The following MAPK10 variants were observed in gnomAD, a reference collection of about 807,000 sequenced individuals.
MAPK10 encodes JNK3 alpha protein kinase.
A neutral mutation model predicts 59.3 loss-of-function variants in MAPK10; 25 were observed. The observed-to-expected ratio is 0.42, with a 90% CI of 0.31 to 0.59. MAPK10 has a LOEUF of 0.59. Ranked by LOEUF, MAPK10 falls within the 20% of genes least tolerant of loss-of-function variation. The probability of loss-of-function intolerance (pLI) is 0.15; values close to 1 mark genes in which losing one functional copy is unlikely to be tolerated. For missense variants in MAPK10, 351 were observed against 568.9 expected (o/e 0.62, Z 3.90); for synonymous variants, 190 against 200.5 (o/e 0.95, Z 0.44).
At chr4:86,240,602 T>C (rs1043297973) in intron 2 of MAPK10, among the ~76,000 whole-genome samples, 1 of 151,254 alleles carries the variant, frequency 6.6e-6, no homozygotes, top group African/African-American at 2.5e-5. Flanking sequence ...TGCCCTTTTT[T>C]GTCTTTTTGG....
intron 2 of MAPK10, among the ~76,000 whole-genome samples, chr4:86,252,493 C>T (rs963496156): frequency 1.4e-5 from 2 of 142,844 alleles, no homozygotes; most frequent in African/African-American, 2.8e-5. Context: ...AGGTATGCGG[C>T]GTTATTTCCG....
At chr4:86,022,338 T>C (rs908342338) in intron 13 of MAPK10, among the ~76,000 whole-genome samples, 1 of 152,250 alleles carries the variant, frequency 6.6e-6, no homozygotes, top group African/African-American at 2.4e-5. Context: ...ATTTGCCTGA[T>C]AGCTAATAAT....
chr4:86,552,451 AGGAAGGAAGGAGGGAGGGAGGGAGGGAG>A (rs1246423234), intron 1 of MAPK10, among the ~76,000 whole-genome samples: 11 of 93,812 alleles, frequency 1.2e-4, no homozygotes, highest in South Asian at 5.4e-4. Context: ...GAAGGAAGGA[AGGAAGGAAGGAGGGAGGGAGGGAGGGAG>A]GGAGGGAGGG....
At chr4:86,318,230 C>T (rs1200382393) in intron 2 of MAPK10, among the ~76,000 whole-genome samples, 2 of 152,106 alleles carry the variant, frequency 1.3e-5, no homozygotes, top group African/African-American at 4.8e-5. Context: ...TATATAGCAG[C>T]TAACCTATTC....
intron 4 of MAPK10, among the ~76,000 whole-genome samples, chr4:86,148,938 C>G (rs998915830): frequency 2.6e-5 from 4 of 152,150 alleles, no homozygotes; most frequent in African/African-American, 9.7e-5. Context: ...AGGGTAGAGA[C>G]AGATGATCAA....
intron 1 of MAPK10, among the ~76,000 whole-genome samples, chr4:86,580,053 T>C (rs577028273): frequency 6.6e-6 from 1 of 152,186 alleles, no homozygotes; most frequent in African/African-American, 2.4e-5. Flanking sequence ...TTTCAAGTGA[T>C]CCTCCTGCCT....
intron 3 of MAPK10, among the ~76,000 whole-genome samples, chr4:86,166,740 A>G (rs2071866284): frequency 6.6e-6 from 1 of 152,200 alleles, no homozygotes. Context: ...AGTTGGTGTC[A>G]TGTGACTATA....
intron 2 of MAPK10, among the ~76,000 whole-genome samples, chr4:86,314,305 A>AT (rs1211087391): frequency 6.6e-6 from 1 of 152,128 alleles, no homozygotes; most frequent in Non-Finnish European, 1.5e-5. Context: ...CTCATCTTGA[A>AT]TTATACACCC....
At chr4:86,172,021 G>T (rs1267484593) in intron 3 of MAPK10, among the ~76,000 whole-genome samples, 1 of 128,016 alleles carries the variant, frequency 7.8e-6, no homozygotes, top group Non-Finnish European at 1.6e-5. Flanking sequence ...AAACCACAAT[G>T]AGATACCATC....
intron 2 of MAPK10, among the ~76,000 whole-genome samples, chr4:86,195,191 G>A (rs977183018): frequency 6.6e-6 from 1 of 152,142 alleles, no homozygotes; most frequent in Non-Finnish European, 1.5e-5. Context: ...GAATGACACA[G>A]CAACATCAGA....
At chr4:86,278,911 A>G (rs2094689675) in intron 2 of MAPK10, among the ~76,000 whole-genome samples, 1 of 152,212 alleles carries the variant, frequency 6.6e-6, no homozygotes, top group African/African-American at 2.4e-5. Context: ...GATTAAGGAC[A>G]TGGTAAGTAA....
In MAPK10 at chr4:86,341,307, G is replaced by A. The variant is rs542372065; in HGVS notation, c.-7+13223C>T. Among the ~76,000 whole-genome samples, 7 of 152,228 alleles carry A rather than the reference G, an allele frequency of 4.6e-5. No individual in the cohort carries two copies. The South Asian group carries it at 1.2e-3, about 27-fold the overall frequency. ...TGTAGCTTCTGCACTCTAGACCAAG[G>A]GCTTGGTGTATGTTCCAAACAGATC... On this transcript the variant is annotated intron_variant, in intron 2 of 13. Coordinates refer to ENST00000641462, the MANE Select transcript of MAPK10 (RefSeq NM_138982.4).
rs114923325 is a variant in MAPK10, at chr4:86,141,887, C to A, written c.236+17411G>T. ...TTCTGCAGGCTGAGAAGTTCCAGGG[C>A]ATGGCCCTGGCTTGTGGCAAGGGCT... On this transcript the variant is annotated intron_variant, in intron 4 of 13. Coordinates refer to ENST00000641462, the MANE Select transcript of MAPK10 (RefSeq NM_138982.4). 3.5e-3 allele frequency among the ~76,000 whole-genome samples: 539 copies of A among 152,292 alleles called. 1 individual carries two copies. The highest frequency in any genetic ancestry group is 5.1e-3 in the Non-Finnish European group (349 of 68,030).
intron 2 of MAPK10, among the ~76,000 whole-genome samples, chr4:86,329,989 C>T (rs866449159): frequency 2.6e-5 from 4 of 152,050 alleles, no homozygotes; most frequent in African/African-American, 9.7e-5. Flanking sequence ...TTTTATGTCC[C>T]TAATTCAGGA....
chr4:86,546,584 T>A (rs1759194290), intron 1 of MAPK10, among the ~76,000 whole-genome samples: 1 of 150,852 alleles, frequency 6.6e-6, no homozygotes, highest in African/African-American at 2.4e-5. Context: ...AAGAAAGAAT[T>A]TCAAGGTGGC....
intron 1 of MAPK10, among the ~76,000 whole-genome samples, chr4:86,396,049 G>T (rs1338894351): frequency 6.6e-6 from 1 of 152,178 alleles, no homozygotes; most frequent in Non-Finnish European, 1.5e-5. Context: ...GTGAACCTAA[G>T]AAAGTAGTGT....
At chr4:86,567,799 TA>T (rs1761164313) in intron 1 of MAPK10, among the ~76,000 whole-genome samples, 4 of 152,238 alleles carry the variant, frequency 2.6e-5, no homozygotes. Context: ...CAAAGTGATT[TA>T]TTTTTTCTTA....
chr4:86,333,897 T>TATC (rs1217152626), intron 2 of MAPK10, among the ~76,000 whole-genome samples: 3 of 152,002 alleles, frequency 2.0e-5, no homozygotes, highest in African/African-American at 4.8e-5. Flanking sequence ...CTTTTACCAC[T>TATC]ATTATTATTA....
At chr4:86,103,113 G>A (rs2055836847) in intron 6 of MAPK10, 73 bp downstream of exon 6, 5 of 822,248 alleles carry the variant, frequency 6.1e-6, no homozygotes, top group Non-Finnish European at 8.5e-6. Flanking sequence ...GTGTGTGTGT[G>A]TGTGGTGTGT....
Sources: gnomAD v4.1 joint callset for allele counts (sites outside exome capture counted in the v4.1 genomes callset) on GRCh38, gnomAD v4.1.1 for gene constraint, MANE v1.5 for transcripts, NCBI Gene and HGNC (gene_info 2026-07-23, HGNC 2026-07-21) for gene names.